STK17A: variants seen among roughly 807,000 people sequenced by gnomAD.
STK17A encodes serine/threonine-protein kinase 17A.
In STK17A, 26 loss-of-function variants were observed where a neutral mutation model predicts 43.7. The observed-to-expected ratio is 0.60, with a 90% CI of 0.44 to 0.83. The LOEUF (loss-of-function observed/expected upper bound fraction) is 0.83. STK17A is among the 40% of genes least tolerant of loss of function. The pLI is 0.00. For missense variants in STK17A, 476 were observed against 511.6 expected (o/e 0.93, Z 0.67); for synonymous variants, 191 against 182.5 (o/e 1.05, Z -0.38).
At chr7:43,610,346 CAAAAAAAAAAA>C (rs138859141) in intron 3 of STK17A, among the ~76,000 whole-genome samples, 3 of 41,314 alleles carry the variant, frequency 7.3e-5, no homozygotes, top group Non-Finnish European at 1.2e-4. Context: ...GACTCCGTCT[CAAAAAAAAAAA>C]AAAAAAAAAA....
At position 43,591,937 on chromosome 7, in the gene STK17A, A is replaced by G. The variant is rs181065755; in HGVS notation, c.207-3964A>G. ...ATAAGTAGTTTTTTACTTACTGCAC[A>G]GTACTTTATTGCTTTGAATGTCAGG... On this transcript the variant is annotated intron_variant, in intron 1 of 6. Coordinates refer to ENST00000319357, the MANE Select transcript of STK17A (RefSeq NM_004760.3). Among the ~76,000 whole-genome samples the G allele has an allele frequency of 8.6e-5, 13 of 151,706 alleles. 1 individual carries two copies. The highest frequency in any genetic ancestry group is 1.8e-4 in the Non-Finnish European group (12 of 67,660).
At chr7:43,590,127 G>A (rs1383612606) in intron 1 of STK17A, among the ~76,000 whole-genome samples, 1 of 150,248 alleles carries the variant, frequency 6.7e-6, no homozygotes, top group Non-Finnish European at 1.5e-5. Flanking sequence ...TGTATTTTTT[G>A]TAGTGACAAG....
chr7:43,597,974 A>G (rs1177353111), intron 2 of STK17A, among the ~76,000 whole-genome samples: 1 of 152,084 alleles, frequency 6.6e-6, no homozygotes. Flanking sequence ...TTATTTAGGA[A>G]ACATAAAAAT....
chr7:43,616,754 G>A (rs988023232), intron 3 of STK17A, among the ~76,000 whole-genome samples: 3 of 151,866 alleles, frequency 2.0e-5, no homozygotes, highest in Non-Finnish European at 4.4e-5. Flanking sequence ...AAAATTAGCC[G>A]GGCGTGGTGG....
intron 3 of STK17A, among the ~76,000 whole-genome samples, chr7:43,613,907 G>A (rs1304386043): frequency 2.0e-5 from 3 of 151,988 alleles, no homozygotes; most frequent in Non-Finnish European, 2.9e-5. Context: ...CCAGAAGCTG[G>A]GACTTTCCAT....
chr7:43,594,516 G>A (rs570936897), intron 1 of STK17A, among the ~76,000 whole-genome samples: 1 of 152,250 alleles, frequency 6.6e-6, no homozygotes, highest in Non-Finnish European at 1.5e-5. Flanking sequence ...TTACCTCACA[G>A]TTTGAAATAA....
chr7:43,618,127 A>G (rs1294834842), intron 3 of STK17A, among the ~76,000 whole-genome samples: 1 of 152,198 alleles, frequency 6.6e-6, no homozygotes, highest in Non-Finnish European at 1.5e-5. Flanking sequence ...TAGAGGACCA[A>G]TGTGATGGAG....
At chr7:43,620,510 C>A (rs2083772495) in intron 4 of STK17A, among the ~76,000 whole-genome samples, 1 of 151,998 alleles carries the variant, frequency 6.6e-6, no homozygotes, top group Non-Finnish European at 1.5e-5. Flanking sequence ...CCCGTCTCTA[C>A]TAAAAATACA....
intron 2 of STK17A, among the ~76,000 whole-genome samples, chr7:43,600,777 A>G (rs1385234995): frequency 6.6e-6 from 1 of 152,158 alleles, no homozygotes; most frequent in Non-Finnish European, 1.5e-5. Flanking sequence ...ATGGGGTCTC[A>G]CTATGTTGAC....
Position 43,625,763 on chromosome 7 carries a change from GA to G in STK17A, c.*922del, listed in dbSNP as rs2084452467. On this transcript the variant is annotated 3_prime_UTR_variant, in exon 7 of 7. Transcript: ENST00000319357. ...TAAAATCCCCTAGAGCAGAGAGAGA[GA>G]GAGAGAGAGAGAGTGTCTTCATGCC... 3 of 151,924 alleles carry G rather than the reference GA, an allele frequency of 2.0e-5. No homozygotes were observed. Among genetic ancestry groups the G allele is most frequent in the African/African-American group, 7.3e-5 (3 of 41,202 alleles). The allele number at this position is 151,924 out of a possible 1,614,324, so 9.4% of individuals were successfully genotyped here.
intron 2 of STK17A, among the ~76,000 whole-genome samples, chr7:43,603,798 CACAA>C (rs1178249701): frequency 1.3e-5 from 2 of 152,182 alleles, no homozygotes; most frequent in African/African-American, 4.8e-5. Context: ...GTTCAGTGTA[CACAA>C]ACTTTGTTTC....
At chr7:43,591,371 C>A (rs2082478461) in intron 1 of STK17A, among the ~76,000 whole-genome samples, 1 of 151,392 alleles carries the variant, frequency 6.6e-6, no homozygotes, top group South Asian at 2.1e-4. Flanking sequence ...GCCAAACATA[C>A]CCATTCATTT....
intron 1 of STK17A, among the ~76,000 whole-genome samples, chr7:43,594,897 A>T (rs1276514300): frequency 6.6e-5 from 10 of 151,190 alleles, no homozygotes; most frequent in African/African-American, 1.2e-4. Context: ...AAAAGAAAGA[A>T]AGAAAAGAAA....
chr7:43,608,214 T>TC, intron 2 of STK17A, 42 bp from the exon 3 acceptor site: 4 of 1,565,458 alleles, frequency 2.6e-6, no homozygotes, highest in Non-Finnish European at 3.5e-6. Flanking sequence ...TGTTCGCCAT[T>TC]TCTTATGAGT....
chr7:43,591,323 T>A (rs1223361147), intron 1 of STK17A, among the ~76,000 whole-genome samples: 2 of 151,570 alleles, frequency 1.3e-5, no homozygotes, highest in Non-Finnish European at 3.0e-5. Context: ...CATGAAAAGC[T>A]TATGAAATTA....
At chr7:43,596,323 G>C (rs1253960858) in intron 2 of STK17A, among the ~76,000 whole-genome samples, 1 of 152,088 alleles carries the variant, frequency 6.6e-6, no homozygotes, top group African/African-American at 2.4e-5. Context: ...ATTCTTTAAT[G>C]AAATTCTTGT....
intron 1 of STK17A, among the ~76,000 whole-genome samples, 193 bp downstream of exon 1, chr7:43,583,642 C>G (rs2082417879): frequency 6.6e-6 from 1 of 152,136 alleles, no homozygotes; most frequent in Non-Finnish European, 1.5e-5. Context: ...GCCCCCTCCA[C>G]GCGCCGCGCC....
intron 2 of STK17A, among the ~76,000 whole-genome samples, chr7:43,601,805 C>T (rs1046762398): frequency 6.6e-6 from 1 of 152,108 alleles, no homozygotes; most frequent in Non-Finnish European, 1.5e-5. Flanking sequence ...GGACTTGGAT[C>T]GTTTTTCATC....
At position 43,585,681 on chromosome 7, in the gene STK17A, G is replaced by C. The variant is rs536598814; in HGVS notation, c.206+2232G>C. 6.5e-4 allele frequency among the ~76,000 whole-genome samples: 99 copies of C among 151,466 alleles called. 2 individuals carry two copies. Among genetic ancestry groups the C allele is most frequent in the Non-Finnish European group, 1.2e-3 (79 of 67,638 alleles). On this transcript the variant is annotated intron_variant, in intron 1 of 6. Coordinates refer to ENST00000319357, the MANE Select transcript of STK17A (RefSeq NM_004760.3). ...TCAGACAGTGTGAGATTGAATCTTG[G>C]CTCTTACTAGTTATGTGGACTTGAG...
Sources: allele counts gnomAD v4.1 joint callset (sites outside exome capture counted in the v4.1 genomes callset), GRCh38; gene constraint gnomAD v4.1.1; transcripts MANE v1.5; gene names NCBI Gene and HGNC (gene_info 2026-07-23, HGNC 2026-07-21).